Variants in FAM135B observed in about 807,000 individuals in gnomAD.
FAM135B encodes family with sequence similarity 135 member B.
FAM135B carries 43 observed loss-of-function variants against 127.7 expected under a neutral mutation model. The ratio of observed to expected loss-of-function variants is 0.34; its 90% CI spans 0.26 to 0.43. FAM135B has a LOEUF of 0.43. Ranked by LOEUF, FAM135B falls within the 20% of genes least tolerant of loss-of-function variation. The pLI, the probability that FAM135B is intolerant of heterozygous loss-of-function variation, is 1.00. For missense variants in FAM135B, 1,558 were observed against 1,725.6 expected (o/e 0.90, Z 1.72); for synonymous variants, 670 against 665.1 (o/e 1.01, Z -0.11).
At chr8:138,168,073 G>A in intron 11 of FAM135B, 24 bp from the exon 12 acceptor site, 1 of 1,601,634 alleles carries the variant, frequency 6.2e-7, no homozygotes, top group Non-Finnish European at 8.5e-7. Flanking sequence ...GGCAGGGTGA[G>A]CGTCCAGGGA....
intron 1 of FAM135B, among the ~76,000 whole-genome samples, chr8:138,447,697 T>C (rs570132713): frequency 2.6e-5 from 4 of 151,746 alleles, no homozygotes; most frequent in African/African-American, 9.7e-5. Context: ...TTAGGAGATA[T>C]ACCTAATGTA....
intron 1 of FAM135B, among the ~76,000 whole-genome samples, chr8:138,434,669 C>T (rs757977507): frequency 6.6e-5 from 10 of 152,200 alleles, no homozygotes; most frequent in African/African-American, 2.2e-4. Context: ...CTTCCCAAGA[C>T]GGCCTTGTCA....
At chr8:138,162,911 G>A (rs981258233) in intron 12 of FAM135B, among the ~76,000 whole-genome samples, 2 of 151,788 alleles carry the variant, frequency 1.3e-5, no homozygotes, top group African/African-American at 4.8e-5. Context: ...ATAGATTCTT[G>A]GAATTAAAAA....
intron 11 of FAM135B, among the ~76,000 whole-genome samples, chr8:138,177,017 A>G (rs932235237): frequency 1.3e-5 from 2 of 152,200 alleles, no homozygotes; most frequent in East Asian, 1.9e-4. Flanking sequence ...TTTTTCTGAC[A>G]TAGTTTGAGG....
intron 12 of FAM135B, among the ~76,000 whole-genome samples, chr8:138,167,495 CT>C (rs1256658577): frequency 6.6e-6 from 1 of 152,188 alleles, no homozygotes; most frequent in Non-Finnish European, 1.5e-5. Flanking sequence ...GGCGTCCAGC[CT>C]TTGGCCCAAT....
At chr8:138,140,057 C>G (rs1280178947) in intron 17 of FAM135B, among the ~76,000 whole-genome samples, 1 of 152,112 alleles carries the variant, frequency 6.6e-6, no homozygotes, top group East Asian at 1.9e-4. Flanking sequence ...TGCAAGATTC[C>G]TTTATAACTG....
At chr8:138,448,854 T>C (rs1836339060) in intron 1 of FAM135B, among the ~76,000 whole-genome samples, 1 of 150,716 alleles carries the variant, frequency 6.6e-6, no homozygotes, top group African/African-American at 2.4e-5. Context: ...GCTGTTTCCA[T>C]GGAGATTACT....
At chr8:138,197,111 GTGTGTGTA>G (rs762296828) in intron 8 of FAM135B, among the ~76,000 whole-genome samples, 38 of 41,972 alleles carry the variant, frequency 9.1e-4, no homozygotes, top group Admixed American at 2.2e-3. Flanking sequence ...GTGTGTGTGT[GTGTGTGTA>G]TATATATAGT....
rs571668488 is a variant in FAM135B at position 138,330,882 on chromosome 8, G to T, written c.78-19962C>A. Among the ~76,000 whole-genome samples the T allele has an allele frequency of 5.4e-5, 8 of 147,980 alleles. No homozygotes were observed. In the South Asian group the frequency reaches 1.5e-3, roughly 28 times the overall value. ...TTTGAGATGGAGTTTCACTCTTGTT[G>T]CCCAGGCTGGAGTACAGTGGCATGA... is the stretch of plus-strand genomic sequence containing the variant. On this transcript the variant is annotated intron_variant, in intron 2 of 19. Coordinates refer to ENST00000395297, the MANE Select transcript of FAM135B (RefSeq NM_015912.4).
intron 7 of FAM135B, among the ~76,000 whole-genome samples, chr8:138,209,672 G>C (rs970300070): frequency 2.6e-5 from 4 of 152,152 alleles, no homozygotes; most frequent in Admixed American, 2.0e-4. Context: ...GTGCCCTTCA[G>C]GGAGATACAG....
intron 9 of FAM135B, among the ~76,000 whole-genome samples, chr8:138,179,861 T>C (rs1253718446): frequency 6.6e-6 from 1 of 152,094 alleles, no homozygotes; most frequent in Non-Finnish European, 1.5e-5. Flanking sequence ...GACAACTTTT[T>C]GTAGAGACGG....
At chr8:138,303,018 A>G (rs1411889780) in intron 3 of FAM135B, among the ~76,000 whole-genome samples, 1 of 152,238 alleles carries the variant, frequency 6.6e-6, no homozygotes, top group African/African-American at 2.4e-5. Flanking sequence ...ATTGTGGAAG[A>G]CAGTGTGGCA....
At chr8:138,147,675 GTTGCCCAGTTGATAATGTGATCTATGGC>G (rs1456555471) in intron 14 of FAM135B, among the ~76,000 whole-genome samples, 1 of 152,150 alleles carries the variant, frequency 6.6e-6, no homozygotes, top group Non-Finnish European at 1.5e-5. Flanking sequence ...TTCATGACTT[GTTGCCCAGTTGATAATGTGATCTATGGC>G]TCCGTTTTCT....
At chr8:138,357,379 G>T (rs1830156593) in intron 2 of FAM135B, among the ~76,000 whole-genome samples, 1 of 152,014 alleles carries the variant, frequency 6.6e-6, no homozygotes. Context: ...AAATATGTAG[G>T]GTTATTGAAA....
At chr8:138,437,378 T>A (rs1835511212) in intron 1 of FAM135B, 1 of 152,138 alleles carries the variant, frequency 6.6e-6, no homozygotes. Flanking sequence ...GGGCAGTTAC[T>A]CTCATGCTGT....
rs1402117920 is a variant in FAM135B at position 138,332,519 on chromosome 8, G to A, written c.78-21599C>T. ...AGTCACGTGTGGATTTAGTAGACCT[G>A]GGATTTGGACCTAGACCTGGTTGCA... On this transcript the variant is annotated intron_variant, in intron 2 of 19. Coordinates refer to ENST00000395297, the MANE Select transcript of FAM135B (RefSeq NM_015912.4). Among the ~76,000 whole-genome samples, 3 of 152,070 alleles carry A rather than the reference G, an allele frequency of 2.0e-5. No homozygotes were observed. The East Asian group carries it at 5.8e-4, about 29-fold the overall frequency.
chr8:138,316,170 G>C (rs1383356998), intron 2 of FAM135B, among the ~76,000 whole-genome samples: 2 of 152,168 alleles, frequency 1.3e-5, no homozygotes, highest in African/African-American at 2.4e-5. Flanking sequence ...TAAAATAAAT[G>C]TTTAAAAAAG....
chr8:138,276,256 C>T (rs1164802257), intron 3 of FAM135B, among the ~76,000 whole-genome samples: 1 of 152,144 alleles, frequency 6.6e-6, no homozygotes, highest in Non-Finnish European at 1.5e-5. Flanking sequence ...TCCCCATATG[C>T]TTCCCTAGGA....
intron 1 of FAM135B, among the ~76,000 whole-genome samples, chr8:138,372,124 A>G (rs887164687): frequency 2.0e-5 from 3 of 152,224 alleles, no homozygotes; most frequent in Non-Finnish European, 2.9e-5. Context: ...GCCTCAGTCT[A>G]GGGTCATCAG....
Sources: gnomAD v4.1 joint callset for allele counts (sites outside exome capture counted in the v4.1 genomes callset) on GRCh38, gnomAD v4.1.1 for gene constraint, MANE v1.5 for transcripts, NCBI Gene and HGNC (gene_info 2026-07-23, HGNC 2026-07-21) for gene names.